The following BRINP1 variants were observed in gnomAD, a reference collection of about 807,000 sequenced individuals.
BRINP1 encodes the protein BMP/retinoic acid inducible neural specific 1.
A neutral mutation model predicts 72.9 loss-of-function variants in BRINP1; 17 were observed. The observed-to-expected ratio is 0.23, with a 90% CI of 0.16 to 0.35. BRINP1 has a LOEUF of 0.35. BRINP1 is among the 10% of genes least tolerant of loss of function. BRINP1 has a pLI of 1.00. For synonymous variants in BRINP1, 418 were observed against 378.5 expected, an observed-to-expected ratio of 1.10 and a Z score of -1.21; for missense variants, 850 against 1,001.6, an observed-to-expected ratio of 0.85 and a Z score of 2.04.
intron 7 of BRINP1, among the ~76,000 whole-genome samples, chr9:119,182,905 A>G (rs1218314349): frequency 6.6e-6 from 1 of 152,236 alleles, no homozygotes; most frequent in Non-Finnish European, 1.5e-5. Context: ...TCAATATGCA[A>G]TGAATCTCCA....
rs1012407720 is a variant in BRINP1 at position 119,369,406 on chromosome 9, T to TG, written c.-402dup. 5.1e-6 allele frequency: 2 copies of TG among 395,712 alleles called. No homozygotes were observed. The highest frequency in any genetic ancestry group is 4.1e-5 in the African/African-American group (2 of 48,480). 24.5% of individuals were successfully genotyped at this position (395,712 alleles called of 1,614,324 possible). A position where few individuals can be genotyped will look rare whatever the true frequency, so the allele number is the denominator to read the frequency against. On this transcript the variant is annotated 5_prime_UTR_variant, in exon 1 of 8. Transcript: ENST00000265922. ...CGCGCGCCAGATCAGTTTGCAGCCGTGGGGTCCGGGAGCGAGGCGGCTGGC... is the reference window on the plus strand; with the variant it reads ...CGCGCGCCAGATCAGTTTGCAGCCGTGGGGGTCCGGGAGCGAGGCGGCTGGC...
intron 2 of BRINP1, among the ~76,000 whole-genome samples, chr9:119,275,859 G>A (rs1830651931): frequency 6.6e-6 from 1 of 151,968 alleles, no homozygotes; most frequent in Non-Finnish European, 1.5e-5. Context: ...AGGTAACCCT[G>A]GATTCCTTAA....
chr9:119,296,673 T>G (rs952143402), intron 2 of BRINP1, among the ~76,000 whole-genome samples: 1 of 152,164 alleles, frequency 6.6e-6, no homozygotes, highest in African/African-American at 2.4e-5. Flanking sequence ...AGTGAAACAT[T>G]ATTCAACCTT....
At chr9:119,240,847 A>T (rs907800417) in intron 4 of BRINP1, among the ~76,000 whole-genome samples, 2 of 152,234 alleles carry the variant, frequency 1.3e-5, no homozygotes, top group East Asian at 1.9e-4. Context: ...TTCCCTATAG[A>T]TATCTTGGAA....
At chr9:119,364,581 AT>A (rs1416784524) in intron 1 of BRINP1, among the ~76,000 whole-genome samples, 1 of 152,218 alleles carries the variant, frequency 6.6e-6, no homozygotes, top group Non-Finnish European at 1.5e-5. Flanking sequence ...ACCATTCATA[AT>A]AGTTACCATT....
At chr9:119,189,855 A>T (rs1312148295) in intron 7 of BRINP1, among the ~76,000 whole-genome samples, 1 of 152,072 alleles carries the variant, frequency 6.6e-6, no homozygotes, top group African/African-American at 2.4e-5. Flanking sequence ...TTCATTCAAC[A>T]TCAGCAGACT....
At chr9:119,351,699 C>T (rs1159167530) in intron 1 of BRINP1, among the ~76,000 whole-genome samples, 3 of 152,194 alleles carry the variant, frequency 2.0e-5, no homozygotes, top group African/African-American at 7.2e-5. Flanking sequence ...TATTTTCTGA[C>T]ATGACATCAT....
chr9:119,207,029 A>G (rs756320016), intron 7 of BRINP1, among the ~76,000 whole-genome samples: 1 of 152,248 alleles, frequency 6.6e-6, no homozygotes, highest in African/African-American at 2.4e-5. Flanking sequence ...TAGGGAAAAC[A>G]GAGATGAGTT....
intron 7 of BRINP1, among the ~76,000 whole-genome samples, chr9:119,183,373 G>C (rs551126209): frequency 6.6e-6 from 1 of 152,178 alleles, no homozygotes; most frequent in East Asian, 1.9e-4. Flanking sequence ...AAGATGAAAA[G>C]GTGAAAGAAA....
chr9:119,213,805 A>G, intron 6 of BRINP1, 114 bp downstream of exon 6: 1 of 861,452 alleles, frequency 1.2e-6, no homozygotes, highest in East Asian at 2.4e-5. Flanking sequence ...CCAAAGTGAA[A>G]GGGTCAGGGT....
chr9:119,330,639 C>A (rs574281324), intron 1 of BRINP1, among the ~76,000 whole-genome samples: 1 of 152,300 alleles, frequency 6.6e-6, no homozygotes, highest in Non-Finnish European at 1.5e-5. Context: ...GGTTCTAACA[C>A]AATCCTATAT....
chr9:119,216,591 C>T (rs1450742698), intron 5 of BRINP1, among the ~76,000 whole-genome samples: 1 of 152,118 alleles, frequency 6.6e-6, no homozygotes, highest in Non-Finnish European at 1.5e-5. Flanking sequence ...TCTTCTAGAG[C>T]CAAATTTATT....
At chr9:119,342,843 A>C (rs1024686598) in intron 1 of BRINP1, among the ~76,000 whole-genome samples, 2 of 152,252 alleles carry the variant, frequency 1.3e-5, no homozygotes, top group African/African-American at 2.4e-5. Context: ...AGCAAGCAAT[A>C]TGCTAGAGAA....
chr9:119,262,938 G>GAA (rs1250151682), intron 2 of BRINP1, among the ~76,000 whole-genome samples: 1 of 152,152 alleles, frequency 6.6e-6, no homozygotes, highest in East Asian at 1.9e-4. Flanking sequence ...GACTACAGGA[G>GAA]AAAACTCTAT....
At chr9:119,356,346 T>C (rs2119037730) in intron 1 of BRINP1, among the ~76,000 whole-genome samples, 1 of 152,336 alleles carries the variant, frequency 6.6e-6, no homozygotes, top group East Asian at 1.9e-4. Context: ...TTTTTCTCTA[T>C]CACACTTTGC....
At chr9:119,332,253 T>G (rs1479677148) in intron 1 of BRINP1, among the ~76,000 whole-genome samples, 2 of 152,224 alleles carry the variant, frequency 1.3e-5, no homozygotes, top group Non-Finnish European at 1.5e-5. Context: ...AGCTACCATT[T>G]TTAGTCCTTA....
chr9:119,289,375 G>A (rs1252513623), intron 2 of BRINP1, among the ~76,000 whole-genome samples: 1 of 152,178 alleles, frequency 6.6e-6, no homozygotes, highest in East Asian at 1.9e-4. Flanking sequence ...CAATGAAGAC[G>A]ATGGAGAAGA....
chr9:119,271,566 T>G (rs578119238), intron 2 of BRINP1, among the ~76,000 whole-genome samples: 2 of 152,136 alleles, frequency 1.3e-5, no homozygotes, highest in African/African-American at 4.8e-5. Context: ...TGTTTATATA[T>G]GTCCTCATTC....
Position 119,290,751 on chromosome 9 carries a change from T to C in BRINP1, c.218+22387A>G, listed in dbSNP as rs553377411. 2.0e-4 allele frequency among the ~76,000 whole-genome samples: 30 copies of C among 152,162 alleles called. 1 individual carries two copies. The highest frequency in any genetic ancestry group is 5.2e-4 in the Admixed American group (8 of 15,280). On this transcript the variant is annotated intron_variant, in intron 2 of 7. Coordinates refer to ENST00000265922, the MANE Select transcript of BRINP1 (RefSeq NM_014618.3). The stretch of plus-strand genomic sequence containing the variant: ...GAGAATCCCATATGGAAGACTTCAA[T>C]AAAACATCTAGAAACAGTCACAGTG...
Sources: allele counts gnomAD v4.1 joint callset (sites outside exome capture counted in the v4.1 genomes callset), GRCh38; gene constraint gnomAD v4.1.1; transcripts MANE v1.5; gene names NCBI Gene and HGNC (gene_info 2026-07-23, HGNC 2026-07-21).